VAV3: variants seen among roughly 807,000 people sequenced by gnomAD.
VAV3 encodes the protein vav guanine nucleotide exchange factor 3.
In VAV3, 94 loss-of-function variants were observed where a neutral mutation model predicts 131.2. That is an observed-to-expected ratio of 0.72 (90% confidence interval 0.61 to 0.85). The LOEUF is 0.85. VAV3 is among the 40% of genes least tolerant of loss of function. The pLI is 0.00. For synonymous variants in VAV3, 349 were observed against 342.0 expected, an observed-to-expected ratio of 1.02 and a Z score of -0.22; for missense variants, 939 against 1,002.7, an observed-to-expected ratio of 0.94 and a Z score of 0.86.
At chr1:107,808,871 T>C (rs770298466) in intron 2 of VAV3, among the ~76,000 whole-genome samples, 2 of 152,184 alleles carry the variant, frequency 1.3e-5, no homozygotes, top group Non-Finnish European at 2.9e-5. Flanking sequence ...TATTTATCCA[T>C]ATGCCTAATT....
At chr1:107,868,964 A>G (rs1255674641) in intron 2 of VAV3, among the ~76,000 whole-genome samples, 1 of 152,202 alleles carries the variant, frequency 6.6e-6, no homozygotes, top group Non-Finnish European at 1.5e-5. Context: ...CACTAGGTTC[A>G]TCTTCAACTC....
chr1:107,818,064 G>A (rs1667636885), intron 2 of VAV3, among the ~76,000 whole-genome samples: 1 of 152,122 alleles, frequency 6.6e-6, no homozygotes, highest in Non-Finnish European at 1.5e-5. Flanking sequence ...CTCCTAACTG[G>A]GCCAACTGCT....
intron 1 of VAV3, among the ~76,000 whole-genome samples, chr1:107,895,333 G>A (rs1264483073): frequency 2.0e-5 from 3 of 152,032 alleles, no homozygotes; most frequent in African/African-American, 4.8e-5. Context: ...TACTTATAAT[G>A]GTACTTTTTC....
chr1:107,672,716 G>A (rs1657909198), intron 19 of VAV3, among the ~76,000 whole-genome samples: 1 of 152,028 alleles, frequency 6.6e-6, no homozygotes, highest in African/African-American at 2.4e-5. Flanking sequence ...GAGGGAGTAA[G>A]CATAATAGAT....
chr1:107,664,185 TTTTA>T (rs1657245716), intron 19 of VAV3, among the ~76,000 whole-genome samples: 1 of 152,172 alleles, frequency 6.6e-6, no homozygotes, highest in Admixed American at 6.5e-5. Flanking sequence ...TCCCCTCCTA[TTTTA>T]TTTTTCTTCA....
chr1:107,675,402 T>C (rs564883114), intron 19 of VAV3, among the ~76,000 whole-genome samples: 4 of 142,122 alleles, frequency 2.8e-5, no homozygotes, highest in Admixed American at 6.8e-5. Context: ...TAAGACTATA[T>C]AGCTAGTTAG....
chr1:107,602,532 A>T (rs777087709), intron 23 of VAV3, 48 bp from the exon 24 acceptor site: 1 of 1,414,778 alleles, frequency 7.1e-7, no homozygotes, highest in Non-Finnish European at 9.5e-7. Context: ...TTTAATCAGT[A>T]GAAATCAATA....
intron 20 of VAV3, among the ~76,000 whole-genome samples, chr1:107,636,087 C>G (rs1381377040): frequency 6.6e-6 from 1 of 152,140 alleles, no homozygotes; most frequent in East Asian, 1.9e-4. Context: ...GTCATCATTA[C>G]TATAAGGAAA....
rs972710064 is a variant in VAV3 at position 107,749,277 on chromosome 1, T to C, written c.1392+185A>G. On this transcript the variant is annotated intron_variant, in intron 14 of 26. Transcript: ENST00000370056. Reference sequence around the variant, plus strand: ...TTTATTATCTGGATCATTAGGGCATTAGAAATGATCAGATCTGGCTGTGGC... The same window carrying C: ...TTTATTATCTGGATCATTAGGGCATCAGAAATGATCAGATCTGGCTGTGGC... 3.3e-5 allele frequency among the ~76,000 whole-genome samples: 5 copies of C among 152,204 alleles called. No homozygotes were observed. In the South Asian group the frequency reaches 1.0e-3, roughly 32 times the overall value.
chr1:107,581,504 T>C (rs897535350), intron 25 of VAV3, among the ~76,000 whole-genome samples: 14 of 152,302 alleles, frequency 9.2e-5, no homozygotes, highest in African/African-American at 3.4e-4. Context: ...CTAATATAAA[T>C]AGAAGTTATC....
chr1:107,664,556 T>C (rs1376042967), intron 19 of VAV3, among the ~76,000 whole-genome samples: 5 of 152,246 alleles, frequency 3.3e-5, no homozygotes, highest in Non-Finnish European at 5.9e-5. Context: ...TGTTCCCTTT[T>C]ATAAAGTTGC....
At chr1:107,727,168 A>G (rs1415469999) in intron 15 of VAV3, among the ~76,000 whole-genome samples, 1 of 152,236 alleles carries the variant, frequency 6.6e-6, no homozygotes, top group Non-Finnish European at 1.5e-5. Context: ...CCCCTCTTCA[A>G]GTATGGATGA....
Position 107,772,839 on chromosome 1 carries a change from T to TACATA in VAV3, c.450_451insTATGT (p.Thr151TyrfsTer28), listed in dbSNP as rs771979447. On this transcript the variant is annotated frameshift_variant, in exon 5 of 27. Transcript: ENST00000370056. LOFTEE classifies it high-confidence loss of function. Reference sequence around the variant, plus strand: ...AGATCTTCTTCATCTTCCACAAGGGTTTCACTACAACAAAGGATATCATAT... The same window carrying TACATA: ...AGATCTTCTTCATCTTCCACAAGGGTACATATTCACTACAACAAAGGATATCATAT... 6.2e-7 allele frequency: 1 copy of TACATA among 1,612,514 alleles called. No homozygotes were observed. Among genetic ancestry groups the TACATA allele is most frequent in the Non-Finnish European group, 8.5e-7 (1 of 1,179,232 alleles).
intron 2 of VAV3, among the ~76,000 whole-genome samples, chr1:107,804,474 C>G (rs1666969139): frequency 6.6e-6 from 1 of 152,140 alleles, no homozygotes; most frequent in Non-Finnish European, 1.5e-5. Context: ...AGTCATTTTA[C>G]AGAGATGACA....
intron 20 of VAV3, among the ~76,000 whole-genome samples, chr1:107,621,484 T>A (rs1047952182): frequency 6.6e-6 from 1 of 152,098 alleles, no homozygotes; most frequent in African/African-American, 2.4e-5. Flanking sequence ...TTAATACTAA[T>A]GGGTGGAGCA....
At chr1:107,662,740 C>T (rs1005124209) in intron 19 of VAV3, among the ~76,000 whole-genome samples, 2 of 152,178 alleles carry the variant, frequency 1.3e-5, no homozygotes, top group East Asian at 3.8e-4. Context: ...AACGAAAGCA[C>T]ACTTTCTGTG....
At chr1:107,753,174 G>T (rs966444414) in intron 12 of VAV3, among the ~76,000 whole-genome samples, 13 of 151,948 alleles carry the variant, frequency 8.6e-5, no homozygotes, top group Non-Finnish European at 1.9e-4. Context: ...GATGAACTTT[G>T]AAGACATTAT....
chr1:107,687,037 C>T (rs1659079648), intron 18 of VAV3, among the ~76,000 whole-genome samples: 1 of 151,220 alleles, frequency 6.6e-6, no homozygotes, highest in South Asian at 2.1e-4. Context: ...TGAAAGAAGG[C>T]TGCTTTGCAA....
At chr1:107,812,762 G>A (rs1465534748) in intron 2 of VAV3, among the ~76,000 whole-genome samples, 1 of 152,090 alleles carries the variant, frequency 6.6e-6, no homozygotes, top group Non-Finnish European at 1.5e-5. Flanking sequence ...TCTATGTCAT[G>A]TTTTTTTCCC....
Sources: gnomAD v4.1 joint callset for allele counts (sites outside exome capture counted in the v4.1 genomes callset) on GRCh38, gnomAD v4.1.1 for gene constraint, MANE v1.5 for transcripts, NCBI Gene and HGNC (gene_info 2026-07-23, HGNC 2026-07-21) for gene names.